The following ZNF529 variants were observed in gnomAD, a reference collection of about 807,000 sequenced individuals.
ZNF529 encodes the protein zinc finger protein 529.
Under a neutral mutation model 10.1 loss-of-function variants are expected in ZNF529, and 11 were observed. The ratio of observed to expected loss-of-function variants is 1.09; its 90% confidence interval spans 0.69 to 1.81. ZNF529 has a LOEUF of 1.81. Among genes scored for constraint, ZNF529 ranks in the 40% most tolerant of loss-of-function variants. The pLI is 0.00. For synonymous variants in ZNF529, 204 were observed against 215.7 expected, an observed-to-expected ratio of 0.95 and a Z score of 0.47; for missense variants, 624 against 666.8, an observed-to-expected ratio of 0.94 and a Z score of 0.71.
intron 2 of ZNF529, among the ~76,000 whole-genome samples, chr19:36,559,186 G>A (rs1398313850): frequency 2.0e-5 from 3 of 152,198 alleles, no homozygotes; most frequent in Non-Finnish European, 2.9e-5. Context: ...TGTCAGGGAT[G>A]TAAATTGGTA....
chr19:36,574,343 A>C (rs1056162488), upstream of ZNF529, among the ~76,000 whole-genome samples: 66 of 152,260 alleles, frequency 4.3e-4, no homozygotes, highest in Middle Eastern at 3.2e-3. Flanking sequence ...GAATGTCTCC[A>C]GGTAGCACGC....
intron 1 of ZNF529, among the ~76,000 whole-genome samples, chr19:36,590,875 A>C (rs932007054): frequency 1.3e-5 from 2 of 149,652 alleles, no homozygotes; most frequent in Non-Finnish European, 3.0e-5. Flanking sequence ...GGTTGCAGTG[A>C]GCTGAGATAG....
intron 2 of ZNF529, among the ~76,000 whole-genome samples, chr19:36,565,923 G>A (rs749520397): frequency 2.9e-4 from 44 of 152,300 alleles, no homozygotes; most frequent in Middle Eastern, 3.4e-3. Context: ...TAGGAACAGA[G>A]TTTTGGATAT....
At chr19:36,553,336 C>T (rs377343151) in intron 4 of ZNF529, among the ~76,000 whole-genome samples, 1 of 152,122 alleles carries the variant, frequency 6.6e-6, no homozygotes, top group East Asian at 1.9e-4. Flanking sequence ...GGGGTTTCAC[C>T]GTGTTGCCCA....
At chr19:36,560,510 TGAG>T in intron 2 of ZNF529, among the ~76,000 whole-genome samples, 1 of 152,146 alleles carries the variant, frequency 6.6e-6, no homozygotes, top group East Asian at 1.9e-4. Flanking sequence ...CTGGACCAAA[TGAG>T]GAGAACCCAA....
At chr19:36,578,067 TTTTTTTTTTTTTTTGAGACG>T (rs1198224111), upstream of ZNF529, among the ~76,000 whole-genome samples, 1 of 72,916 alleles carries the variant, frequency 1.4e-5, no homozygotes, top group Non-Finnish European at 2.8e-5. Context: ...AGATTTTTTT[TTTTTTTTTTTTTTTGAGACG>T]GAGTCTTAAC....
At chr19:36,582,603 G>A (rs1287084598) in intron 2 of ZNF529, 2 of 151,896 alleles carry the variant, frequency 1.3e-5, no homozygotes, top group African/African-American at 2.4e-5. Flanking sequence ...AGCTACTCGG[G>A]AGGCTGAGGC....
chr19:36,548,261 A>C lies in ZNF529; in HGVS notation c.297T>G (p.Thr99=). 6.2e-7 allele frequency: 1 copy of C among 1,612,894 alleles called. No individual in the cohort carries two copies. The highest frequency in any genetic ancestry group is 1.3e-5 in the African/African-American group (1 of 75,052). Residue 99 remains threonine (T), a synonymous_variant, in exon 5 of 5, where the codon ACT becomes ACG. Coordinates refer to ENST00000591340, the MANE Select transcript of ZNF529 (RefSeq NM_020951.5). ...LSVGKDIIQN[T]GSQWEVMESS... Reference sequence around the variant, plus strand: ...TTTCCATTACCTCCCACTGAGAACCAGTGTTTTGAATAATATCTTTTCCTA... The same window carrying C: ...TTTCCATTACCTCCCACTGAGAACCCGTGTTTTGAATAATATCTTTTCCTA...
chr19:36,567,432 T>A lies in ZNF529; in HGVS notation c.14+4901A>T, dbSNP rs550187748. Among the ~76,000 whole-genome samples the A allele has an allele frequency of 2.6e-5, 4 of 152,238 alleles. No individual in the cohort carries two copies. The South Asian group carries it at 8.3e-4, about 32-fold the overall frequency. Reference sequence around the variant, plus strand: ...AGGGGTAAGTCATCATGAACTTATATTTGGCAATGGATTCTTTTTTTTTTG... The same window carrying A: ...AGGGGTAAGTCATCATGAACTTATAATTGGCAATGGATTCTTTTTTTTTTG... On this transcript the variant is annotated intron_variant, in intron 2 of 4. Coordinates refer to ENST00000591340, the MANE Select transcript of ZNF529 (RefSeq NM_020951.5).
chr19:36,569,765 G>T (rs1410753438), intron 2 of ZNF529, among the ~76,000 whole-genome samples: 1 of 151,964 alleles, frequency 6.6e-6, no homozygotes, highest in Admixed American at 6.6e-5. Context: ...CAAGACTCTT[G>T]TTGCAAAACA....
chr19:36,548,932 G>A (rs750773200), intron 4 of ZNF529, among the ~76,000 whole-genome samples: 2 of 152,216 alleles, frequency 1.3e-5, no homozygotes, highest in Non-Finnish European at 2.9e-5. Context: ...GAACCCAGGA[G>A]GTGGAGGCTG....
At chr19:36,571,986 T>C (rs2036133103) in intron 2 of ZNF529, among the ~76,000 whole-genome samples, 1 of 149,330 alleles carries the variant, frequency 6.7e-6, no homozygotes, top group South Asian at 2.2e-4. Context: ...ATACCTACCA[T>C]CTCCTATCTT....
intron 2 of ZNF529, among the ~76,000 whole-genome samples, chr19:36,578,551 C>T (rs1378637926): frequency 6.6e-5 from 10 of 151,168 alleles, no homozygotes; most frequent in Admixed American, 4.0e-4. Context: ...GTGATCCCCC[C>T]GCCTCAGCCT....
At position 36,548,140 on chromosome 19, in the gene ZNF529, T is replaced by C; in HGVS notation, c.418A>G (p.Ser140Gly). 1 of 1,613,914 alleles carries C rather than the reference T, an allele frequency of 6.2e-7. No individual in the cohort carries two copies. Among genetic ancestry groups the C allele is most frequent in the Non-Finnish European group, 8.5e-7 (1 of 1,179,846 alleles). ...DLQGPEVGYF[S>G]QMKIISENVP... ...TTTTCAGAGATGATTTTCATTTGAC[T>C]GAAATATCCCACTTCAGGTCCTTGT... Residue 140 changes from serine (S) to glycine (G), a missense_variant, in exon 5 of 5, where the codon AGT becomes GGT. Coordinates refer to ENST00000591340, the MANE Select transcript of ZNF529 (RefSeq NM_020951.5).
chr19:36,560,461 G>A (rs1315826843), intron 2 of ZNF529, among the ~76,000 whole-genome samples: 1 of 152,010 alleles, frequency 6.6e-6, no homozygotes, highest in Non-Finnish European at 1.5e-5. Flanking sequence ...AAGTTGTACT[G>A]GGCTAAGGAA....
At chr19:36,578,589 G>A (rs1378337905) in intron 2 of ZNF529, among the ~76,000 whole-genome samples, 1 of 151,306 alleles carries the variant, frequency 6.6e-6, no homozygotes, top group African/African-American at 2.4e-5. Context: ...ATAGGCATGA[G>A]CCACTGCACT....
Position 36,603,691 on chromosome 19 carries a change from A to G in ZNF529, c.-128+1435T>C, listed in dbSNP as rs532685525. ...CATTCTTCACCACCGGCAAGCTTCC[A>G]TAACCCATGCTGAATATGACCAGAT... On this transcript the variant is annotated intron_variant, in intron 1 of 4. Coordinates refer to the ZNF529 transcript ENST00000585960. Among the ~76,000 whole-genome samples, 5 of 152,312 alleles carry G rather than the reference A, an allele frequency of 3.3e-5. No homozygotes were observed. In the East Asian group the frequency reaches 9.6e-4, roughly 29 times the overall value.
At chr19:36,588,031 C>G (rs925754839) in intron 2 of ZNF529, among the ~76,000 whole-genome samples, 4 of 152,152 alleles carry the variant, frequency 2.6e-5, no homozygotes, top group African/African-American at 9.6e-5. Flanking sequence ...GCCTGTAATC[C>G]CAGCTATTTG....
intron 1 of ZNF529, among the ~76,000 whole-genome samples, chr19:36,601,909 T>C (rs1447631074): frequency 1.3e-5 from 2 of 152,092 alleles, no homozygotes. Flanking sequence ...GGAGTTTATA[T>C]AAAAGAGAGA....
Sources: gnomAD v4.1 joint callset for allele counts (sites outside exome capture counted in the v4.1 genomes callset) on GRCh38, gnomAD v4.1.1 for gene constraint, MANE v1.5 for transcripts, NCBI Gene and HGNC (gene_info 2026-07-23, HGNC 2026-07-21) for gene names.